Variants in TAFA2 observed in about 807,000 individuals in gnomAD.
TAFA2 encodes the protein chemokine-like protein TAFA-2.
In TAFA2, 7 loss-of-function variants were observed where a neutral mutation model predicts 18.8. The observed-to-expected ratio is 0.37, with a 90% CI of 0.21 to 0.70. The LOEUF (loss-of-function observed/expected upper bound fraction) is 0.70, where lower values mean the gene tolerates loss of function less well. Among genes scored for constraint, TAFA2 ranks in the 30% least tolerant of loss-of-function variants. The pLI is 0.53. For synonymous variants in TAFA2, 60 were observed against 54.2 expected (o/e 1.11, Z -0.47); for missense variants, 122 against 158.1 (o/e 0.77, Z 1.23).
chr12:61,909,307 G>C (rs1876500855), intron 1 of TAFA2, among the ~76,000 whole-genome samples: 1 of 152,128 alleles, frequency 6.6e-6, no homozygotes, highest in South Asian at 2.1e-4. Context: ...AGATAAATAA[G>C]GTACAGACTC....
At chr12:62,042,602 T>C (rs971839602) in intron 1 of TAFA2, among the ~76,000 whole-genome samples, 2 of 152,142 alleles carry the variant, frequency 1.3e-5, no homozygotes, top group Non-Finnish European at 2.9e-5. Flanking sequence ...CCAGCCTACA[T>C]ATCTACCTAG....
intron 1 of TAFA2, chr12:62,021,843 A>G (rs1305217482): frequency 2.5e-6 from 2 of 799,236 alleles, no homozygotes; most frequent in Non-Finnish European, 4.5e-6. Context: ...GCCATCCACA[A>G]AACTTCATGG....
intron 1 of TAFA2, among the ~76,000 whole-genome samples, chr12:62,001,227 A>G (rs1880364978): frequency 6.6e-6 from 1 of 152,096 alleles, no homozygotes; most frequent in Non-Finnish European, 1.5e-5. Flanking sequence ...TCAGCAACAC[A>G]ATATATAGCA....
intron 4 of TAFA2, among the ~76,000 whole-genome samples, chr12:61,730,604 G>C (rs1204170316): frequency 6.6e-6 from 1 of 152,010 alleles, no homozygotes; most frequent in Non-Finnish European, 1.5e-5. Flanking sequence ...GTGTGGTATG[G>C]GGATGTGGTT....
intron 1 of TAFA2, among the ~76,000 whole-genome samples, chr12:61,899,669 G>A (rs1211400023): frequency 2.0e-5 from 3 of 152,084 alleles, no homozygotes; most frequent in Non-Finnish European, 4.4e-5. Flanking sequence ...TATAATTCAA[G>A]ATGAGATTTG....
intron 1 of TAFA2, among the ~76,000 whole-genome samples, chr12:61,956,631 TA>T (rs34261945): frequency 3.8e-4 from 54 of 142,708 alleles, no homozygotes; most frequent in African/African-American, 8.2e-4. Context: ...TTTGTTTTGT[TA>T]AAAAAAAAAA....
chr12:62,025,449 A>G, intron 1 of TAFA2, among the ~76,000 whole-genome samples: 1 of 152,188 alleles, frequency 6.6e-6, no homozygotes, highest in East Asian at 1.9e-4. Flanking sequence ...CAAATAAATG[A>G]AACTTTTTGA....
At chr12:61,878,629 C>G (rs1874971545) in intron 1 of TAFA2, among the ~76,000 whole-genome samples, 1 of 152,156 alleles carries the variant, frequency 6.6e-6, no homozygotes, top group South Asian at 2.1e-4. Flanking sequence ...AGAAACACTA[C>G]ATATGTCCTT....
chr12:61,891,364 G>C (rs887647989), intron 1 of TAFA2, among the ~76,000 whole-genome samples: 1 of 152,054 alleles, frequency 6.6e-6, no homozygotes, highest in Admixed American at 6.6e-5. Context: ...AGAAAAAGAA[G>C]GGCTGCGCGC....
chr12:62,141,205 C>T (rs1375652885), intron 1 of TAFA2, among the ~76,000 whole-genome samples: 1 of 152,134 alleles, frequency 6.6e-6, no homozygotes, highest in Non-Finnish European at 1.5e-5. Flanking sequence ...GGCTTAAAGC[C>T]CCTAAGCATC....
intron 1 of TAFA2, among the ~76,000 whole-genome samples, chr12:62,134,908 T>G (rs1870835645): frequency 6.6e-6 from 1 of 152,008 alleles, no homozygotes; most frequent in Admixed American, 6.6e-5. Context: ...CCCAGCACTG[T>G]AACATTACCT....
intron 1 of TAFA2, among the ~76,000 whole-genome samples, chr12:62,077,877 T>C (rs1868262153): frequency 6.6e-6 from 1 of 152,200 alleles, no homozygotes; most frequent in Non-Finnish European, 1.5e-5. Flanking sequence ...ATACTACTTC[T>C]ATATCACAGG....
intron 2 of TAFA2, among the ~76,000 whole-genome samples, chr12:61,860,268 T>A (rs1187082470): frequency 3.3e-5 from 5 of 152,228 alleles, no homozygotes; most frequent in Non-Finnish European, 5.9e-5. Flanking sequence ...TAAATATATA[T>A]TACTTTGAAA....
intron 1 of TAFA2, among the ~76,000 whole-genome samples, chr12:62,158,482 A>T (rs1565764520): frequency 6.6e-6 from 1 of 152,234 alleles, no homozygotes; most frequent in Non-Finnish European, 1.5e-5. Flanking sequence ...ATTAGCACGT[A>T]AGAAGCTATT....
At chr12:61,764,077 C>T (rs1025104912) in intron 2 of TAFA2, among the ~76,000 whole-genome samples, 25 of 151,988 alleles carry the variant, frequency 1.6e-4, no homozygotes, top group Admixed American at 1.4e-3. Context: ...AAGACAAATT[C>T]CTACCTTCTA....
chr12:62,083,839 T>C (rs564305575), intron 1 of TAFA2, among the ~76,000 whole-genome samples: 1 of 152,294 alleles, frequency 6.6e-6, no homozygotes, highest in African/African-American at 2.4e-5. Context: ...AACATTTACA[T>C]TGTGTTAGTA....
intron 1 of TAFA2, among the ~76,000 whole-genome samples, chr12:61,889,563 G>C (rs1194042687): frequency 1.3e-5 from 2 of 152,170 alleles, no homozygotes; most frequent in African/African-American, 2.4e-5. Context: ...TCAACAAATG[G>C]ATATCAAGCA....
At chr12:61,931,115 C>A (rs699558) in intron 1 of TAFA2, among the ~76,000 whole-genome samples, 5 of 152,086 alleles carry the variant, frequency 3.3e-5, no homozygotes, top group Admixed American at 1.3e-4. Flanking sequence ...TCAGTTGAAC[C>A]GTAATCATAA....
chr12:61,819,339 T>C (rs924217985), intron 2 of TAFA2, among the ~76,000 whole-genome samples: 1 of 152,214 alleles, frequency 6.6e-6, no homozygotes, highest in Non-Finnish European at 1.5e-5. Context: ...CCTATAATCA[T>C]ATCCAAAGCA....
Sources: allele counts gnomAD v4.1 joint callset (sites outside exome capture counted in the v4.1 genomes callset), GRCh38; gene constraint gnomAD v4.1.1; transcripts MANE v1.5; gene names NCBI Gene and HGNC (gene_info 2026-07-23, HGNC 2026-07-21).